Variants in DPP10 observed in about 807,000 individuals in gnomAD.
DPP10 encodes the protein dipeptidyl peptidase like 10.
A neutral mutation model predicts 120.9 loss-of-function variants in DPP10; 33 were observed. The ratio of observed to expected loss-of-function variants is 0.27; its 90% confidence interval spans 0.21 to 0.37. The LOEUF (loss-of-function observed/expected upper bound fraction) is 0.37. Among genes scored for constraint, DPP10 ranks in the 10% least tolerant of loss-of-function variants. DPP10 has a pLI of 1.00. For synonymous variants in DPP10, 337 were observed against 326.1 expected (o/e 1.03, Z -0.36); for missense variants, 816 against 942.8 (o/e 0.87, Z 1.76).
chr2:115,457,660 A>G (rs1558689792), intron 3 of DPP10, among the ~76,000 whole-genome samples: 1 of 63,990 alleles, frequency 1.6e-5, no homozygotes, highest in East Asian at 3.6e-4. Flanking sequence ...AAGAATACCT[A>G]TAATCAAAAC....
chr2:115,809,803 T>A (rs1686421480), intron 19 of DPP10, among the ~76,000 whole-genome samples: 1 of 152,224 alleles, frequency 6.6e-6, no homozygotes, highest in African/African-American at 2.4e-5. Context: ...AGTCCTCTCG[T>A]TAGAATAATA....
At chr2:114,591,554 A>AT (rs70937292) in intron 1 of DPP10, among the ~76,000 whole-genome samples, 1,630 of 124,554 alleles carry the variant, frequency 0.013, 23 homozygotes, top group Middle Eastern at 0.051. Context: ...ACCTCTTCCT[A>AT]TTTTTTTTTT....
intron 1 of DPP10, among the ~76,000 whole-genome samples, chr2:114,923,141 A>T (rs557893929): frequency 1.9e-4 from 29 of 151,466 alleles, no homozygotes; most frequent in Non-Finnish European, 1.9e-4. Context: ...CTGTCATCAG[A>T]TATATGATTT....
At chr2:114,987,601 G>A (rs760144797) in intron 1 of DPP10, among the ~76,000 whole-genome samples, 2 of 151,980 alleles carry the variant, frequency 1.3e-5, no homozygotes, top group Non-Finnish European at 2.9e-5. Flanking sequence ...AAACTGTGAA[G>A]GACTGGCACT....
intron 5 of DPP10, among the ~76,000 whole-genome samples, chr2:115,593,547 A>T (rs182744766): frequency 8.7e-5 from 13 of 149,932 alleles, no homozygotes; most frequent in Admixed American, 8.1e-4. Flanking sequence ...TAATAATTCC[A>T]AGCCAGAAAA....
intron 14 of DPP10, among the ~76,000 whole-genome samples, 197 bp from the exon 15 acceptor site, chr2:115,777,590 A>G (rs1682268152): frequency 6.6e-6 from 1 of 152,140 alleles, no homozygotes; most frequent in Non-Finnish European, 1.5e-5. Context: ...TAGTTTGATC[A>G]TAGCCCTGTG....
intron 1 of DPP10, among the ~76,000 whole-genome samples, chr2:114,494,101 C>CAAAAAAAAAAAAAAAAAAAA (rs58552540): frequency 1.3e-5 from 1 of 77,156 alleles, no homozygotes; most frequent in African/African-American, 5.0e-5. Context: ...AGCAATAAGG[C>CAAAAAAAAAAAAAAAAAAAA]AAAAAAAAAA....
At chr2:115,623,211 CA>C (rs1193959632) in intron 5 of DPP10, among the ~76,000 whole-genome samples, 1 of 152,200 alleles carries the variant, frequency 6.6e-6, no homozygotes, top group East Asian at 1.9e-4. Flanking sequence ...ACCACAGAGA[CA>C]ACATGGCTCA....
chr2:114,653,006 GAGAA>G (rs1307466122), intron 1 of DPP10, among the ~76,000 whole-genome samples: 6 of 142,190 alleles, frequency 4.2e-5, no homozygotes, highest in Middle Eastern at 3.5e-3. Context: ...GAGAGAGAGA[GAGAA>G]AGAGAGAGAG....
chr2:115,091,352 T>G (rs1420506095), intron 1 of DPP10, among the ~76,000 whole-genome samples: 2 of 152,244 alleles, frequency 1.3e-5, no homozygotes, highest in Non-Finnish European at 2.9e-5. Flanking sequence ...CACTCACTTT[T>G]AGATAAGTCT....
chr2:114,769,832 G>A (rs971943677), intron 1 of DPP10, among the ~76,000 whole-genome samples: 4 of 152,086 alleles, frequency 2.6e-5, no homozygotes, highest in Non-Finnish European at 4.4e-5. Context: ...TATCTTTCAA[G>A]TTTATACCCA....
At chr2:114,704,911 G>C (rs1700597849) in intron 1 of DPP10, among the ~76,000 whole-genome samples, 1 of 152,140 alleles carries the variant, frequency 6.6e-6, no homozygotes, top group South Asian at 2.1e-4. Context: ...AAAAGGAAGA[G>C]AGAGTGCACA....
intron 1 of DPP10, among the ~76,000 whole-genome samples, chr2:114,737,129 G>A (rs561898913): frequency 3.3e-4 from 50 of 152,280 alleles, no homozygotes; most frequent in Middle Eastern, 3.4e-3. Flanking sequence ...AATTCTTAAC[G>A]TTGGCATGTT....
At position 115,444,726 on chromosome 2, in the gene DPP10, T is replaced by G. The variant is rs115735382; in HGVS notation, c.272-54784T>G. On this transcript the variant is annotated intron_variant, in intron 3 of 25. Transcript: ENST00000410059. ...GTAGTTGCATTTAAAAAGCAGAGAT[T>G]ACTGCAAGTATAGAAGTAATGCATT... Among the ~76,000 whole-genome samples, 1,353 of 152,330 alleles carry G rather than the reference T, an allele frequency of 8.9e-3. 10 individuals are homozygous for G. Among genetic ancestry groups the G allele is most frequent in the Non-Finnish European group, 0.014 (928 of 68,038 alleles).
chr2:114,767,348 G>A (rs1345047058), intron 1 of DPP10, among the ~76,000 whole-genome samples: 1 of 148,442 alleles, frequency 6.7e-6, no homozygotes, highest in Non-Finnish European at 1.5e-5. Flanking sequence ...GGTGCTAAGA[G>A]ACACGAATGA....
chr2:115,680,276 T>G (rs929621481), intron 5 of DPP10, among the ~76,000 whole-genome samples: 1 of 151,984 alleles, frequency 6.6e-6, no homozygotes, highest in Non-Finnish European at 1.5e-5. Flanking sequence ...AAGAATAAGA[T>G]GTTTTAAGTA....
intron 1 of DPP10, among the ~76,000 whole-genome samples, chr2:114,761,918 T>C (rs1365498797): frequency 6.6e-6 from 1 of 152,138 alleles, no homozygotes; most frequent in Non-Finnish European, 1.5e-5. Context: ...TTTCCTCTCT[T>C]GGATATTAAT....
chr2:115,764,069 A>G (rs1337518812), intron 12 of DPP10, among the ~76,000 whole-genome samples: 1 of 152,144 alleles, frequency 6.6e-6, no homozygotes, highest in African/African-American at 2.4e-5. Context: ...ACATCTCCCA[A>G]TAAAAGTTAT....
chr2:115,040,262 G>A (rs1178905219), intron 1 of DPP10, among the ~76,000 whole-genome samples: 2 of 151,790 alleles, frequency 1.3e-5, no homozygotes, highest in Non-Finnish European at 2.9e-5. Context: ...CCAAAAAAGA[G>A]TAGGAATATT....
Sources: allele counts gnomAD v4.1 joint callset (sites outside exome capture counted in the v4.1 genomes callset), GRCh38; gene constraint gnomAD v4.1.1; transcripts MANE v1.5; gene names NCBI Gene and HGNC (gene_info 2026-07-23, HGNC 2026-07-21).